The following KCNB2 variants were observed in gnomAD, a reference collection of about 807,000 sequenced individuals.
KCNB2 encodes the protein delayed rectifier potassium channel protein.
Under a neutral mutation model 61.5 loss-of-function variants are expected in KCNB2, and 15 were observed. The ratio of observed to expected loss-of-function variants is 0.24; its 90% CI spans 0.16 to 0.38. The LOEUF (loss-of-function observed/expected upper bound fraction) is 0.38. KCNB2 is among the 10% of genes least tolerant of loss of function. The pLI, the probability that KCNB2 is intolerant of heterozygous loss-of-function variation, is 1.00. For missense variants in KCNB2, 828 were observed against 1,125.2 expected, an observed-to-expected ratio of 0.74 and a Z score of 3.78; for synonymous variants, 457 against 446.0, an observed-to-expected ratio of 1.02 and a Z score of -0.31.
At chr8:72,621,849 C>T (rs554156693) in intron 2 of KCNB2, among the ~76,000 whole-genome samples, 18 of 152,242 alleles carry the variant, frequency 1.2e-4, no homozygotes, top group South Asian at 2.1e-4. Context: ...AAAGTTGTCT[C>T]CCAGTTTAAT....
chr8:72,660,031 CTAAT>C (rs1217571501), intron 2 of KCNB2, among the ~76,000 whole-genome samples: 39 of 152,292 alleles, frequency 2.6e-4, no homozygotes, highest in Admixed American at 2.3e-3. Context: ...TTTAAATACT[CTAAT>C]TATAAAACAT....
chr8:72,746,182 AC>A (rs1808061438), intron 2 of KCNB2, among the ~76,000 whole-genome samples: 1 of 152,110 alleles, frequency 6.6e-6, no homozygotes, highest in Admixed American at 6.6e-5. Context: ...GGCATTAAGC[AC>A]CCCTTTCCCA....
intron 2 of KCNB2, among the ~76,000 whole-genome samples, chr8:72,764,966 A>G (rs1265847784): frequency 2.0e-5 from 3 of 152,190 alleles, no homozygotes; most frequent in Admixed American, 6.5e-5. Context: ...TGGCTATGAC[A>G]AATATTCTTT....
At chr8:72,839,882 G>A (rs1809850302) in intron 2 of KCNB2, among the ~76,000 whole-genome samples, 1 of 151,606 alleles carries the variant, frequency 6.6e-6, no homozygotes, top group African/African-American at 2.4e-5. Context: ...CAAAGTGCTG[G>A]GATTACAGGC....
At chr8:72,757,292 G>T (rs1360570273) in intron 2 of KCNB2, among the ~76,000 whole-genome samples, 6 of 152,112 alleles carry the variant, frequency 3.9e-5, no homozygotes, top group African/African-American at 1.4e-4. Context: ...AGGTCAATGG[G>T]GACTTACACT....
At chr8:72,848,482 G>C (rs1289068708) in intron 2 of KCNB2, among the ~76,000 whole-genome samples, 1 of 151,954 alleles carries the variant, frequency 6.6e-6, no homozygotes, top group East Asian at 1.9e-4. Context: ...AATAAATCGA[G>C]ATAAACATAG....
chr8:72,900,884 C>A (rs1806078815), intron 2 of KCNB2, among the ~76,000 whole-genome samples: 1 of 152,054 alleles, frequency 6.6e-6, no homozygotes, highest in Admixed American at 6.6e-5. Context: ...AACACTTATA[C>A]AACATTGGTA....
At chr8:72,695,107 C>T (rs1806998916) in intron 2 of KCNB2, among the ~76,000 whole-genome samples, 1 of 152,056 alleles carries the variant, frequency 6.6e-6, no homozygotes, top group African/African-American at 2.4e-5. Flanking sequence ...TTAGAGGAAT[C>T]ATTTGAGGAC....
intron 2 of KCNB2, among the ~76,000 whole-genome samples, chr8:72,713,910 G>GA (rs1208124501): frequency 6.6e-6 from 1 of 151,738 alleles, no homozygotes. Flanking sequence ...TAAAAACTTT[G>GA]AAAAAAAATT....
chr8:72,915,100 G>A (rs531927953), intron 2 of KCNB2, among the ~76,000 whole-genome samples: 4 of 151,936 alleles, frequency 2.6e-5, no homozygotes, highest in South Asian at 2.1e-4. Flanking sequence ...TAGAGACGGC[G>A]TTTCACCATG....
intron 2 of KCNB2, among the ~76,000 whole-genome samples, chr8:72,923,946 T>G (rs1367890926): frequency 2.0e-5 from 3 of 152,184 alleles, no homozygotes; most frequent in Non-Finnish European, 4.4e-5. Flanking sequence ...TTATATCATT[T>G]CAGCACTACA....
At chr8:72,839,053 T>A (rs1350773195) in intron 2 of KCNB2, among the ~76,000 whole-genome samples, 4 of 152,168 alleles carry the variant, frequency 2.6e-5, no homozygotes, top group East Asian at 1.9e-4. Flanking sequence ...ACAATTATAA[T>A]AATAGTAAAA....
chr8:72,833,141 G>A (rs1336123532), intron 2 of KCNB2, among the ~76,000 whole-genome samples: 1 of 152,194 alleles, frequency 6.6e-6, no homozygotes, highest in African/African-American at 2.4e-5. Context: ...TGAAGGTAAC[G>A]TTGGTTTTGG....
chr8:72,584,106 C>A (rs77392259), intron 2 of KCNB2, among the ~76,000 whole-genome samples: 22,070 of 144,438 alleles, frequency 0.15, 2,070 homozygotes, highest in East Asian at 0.46. Flanking sequence ...CAAAACAAAA[C>A]AAAAAAAAAC....
At chr8:72,724,672 A>G (rs1277220508) in intron 2 of KCNB2, among the ~76,000 whole-genome samples, 1 of 152,230 alleles carries the variant, frequency 6.6e-6, no homozygotes, top group Non-Finnish European at 1.5e-5. Context: ...CAACATACTT[A>G]TACTAAAAAA....
chr8:72,704,060 C>A (rs761076568), intron 2 of KCNB2, among the ~76,000 whole-genome samples: 8 of 152,162 alleles, frequency 5.3e-5, no homozygotes, highest in Non-Finnish European at 8.8e-5. Context: ...ACACGTAAAT[C>A]TCACAGCTCA....
intron 2 of KCNB2, among the ~76,000 whole-genome samples, chr8:72,754,171 T>G (rs1461163025): frequency 2.0e-5 from 3 of 152,124 alleles, no homozygotes; most frequent in Non-Finnish European, 1.5e-5. Context: ...AAATAAATTG[T>G]AACAGGCCAA....
intron 2 of KCNB2, among the ~76,000 whole-genome samples, chr8:72,579,335 T>C (rs1429522973): frequency 6.6e-6 from 1 of 152,202 alleles, no homozygotes; most frequent in Non-Finnish European, 1.5e-5. Context: ...GATGTCTACT[T>C]AAATTTTCAC....
At chr8:72,544,904 C>T (rs1806237325) in intron 1 of KCNB2, among the ~76,000 whole-genome samples, 1 of 152,154 alleles carries the variant, frequency 6.6e-6, no homozygotes, top group Non-Finnish European at 1.5e-5. Flanking sequence ...AGTAGTGACA[C>T]ACCTGGCTTC....
Sources: allele counts gnomAD v4.1 joint callset (sites outside exome capture counted in the v4.1 genomes callset), GRCh38; gene constraint gnomAD v4.1.1; transcripts MANE v1.5; gene names NCBI Gene and HGNC (gene_info 2026-07-23, HGNC 2026-07-21).